Variants in HPSE2 observed in about 807,000 individuals in gnomAD.
HPSE2 encodes inactive heparanase-2.
HPSE2 carries 38 observed loss-of-function variants against 60.5 expected under a neutral mutation model. The observed-to-expected ratio is 0.63, with a 90% CI of 0.48 to 0.82. HPSE2 has a LOEUF of 0.82. HPSE2 is among the 40% of genes least tolerant of loss of function. HPSE2 has a pLI of 0.00. For synonymous variants in HPSE2, 295 were observed against 293.2 expected, an observed-to-expected ratio of 1.01 and a Z score of -0.06; for missense variants, 713 against 740.4, an observed-to-expected ratio of 0.96 and a Z score of 0.43.
intron 9 of HPSE2, among the ~76,000 whole-genome samples, chr10:98,557,159 G>C (rs1944035112): frequency 6.6e-6 from 1 of 152,016 alleles, no homozygotes; most frequent in Non-Finnish European, 1.5e-5. Flanking sequence ...CTTGCAGTGA[G>C]CCGAGATCGC....
At chr10:98,562,032 T>C (rs1465260730) in intron 9 of HPSE2, among the ~76,000 whole-genome samples, 1 of 152,180 alleles carries the variant, frequency 6.6e-6, no homozygotes, top group Non-Finnish European at 1.5e-5. Flanking sequence ...GCAAGCTCCA[T>C]TCATGGTAAC....
At position 98,717,333 on chromosome 10, in the gene HPSE2, A is replaced by G. The variant is rs895516075; in HGVS notation, c.956+4324T>C. Among the ~76,000 whole-genome samples, 3 of 152,066 alleles carry G rather than the reference A, an allele frequency of 2.0e-5. No homozygotes were observed. In the South Asian group the frequency reaches 6.2e-4, roughly 31 times the overall value. ...CTTTCTTATCATTCTTGTGTTCACT[A>G]AAGTAGCACTTTTAATTTCCTTCAA... On this transcript the variant is annotated intron_variant, in intron 5 of 11. Transcript: ENST00000370552.
chr10:98,541,877 A>C (rs1209060660), intron 9 of HPSE2, among the ~76,000 whole-genome samples: 1 of 146,800 alleles, frequency 6.8e-6, no homozygotes, highest in Non-Finnish European at 1.5e-5. Flanking sequence ...TGTAGGCTCC[A>C]TCTCTGGGGG....
At chr10:99,260,531 A>G in the HPSE2 span, among the ~76,000 whole-genome samples, 1 of 152,024 alleles carries the variant, frequency 6.6e-6, no homozygotes, top group Non-Finnish European at 1.5e-5. Context: ...TTCCTCTCTC[A>G]CTACCCTTCA....
At position 98,509,408 on chromosome 10, in the gene HPSE2, G is replaced by A. The variant is rs557213117; in HGVS notation, c.1321-19212C>T. 3.3e-5 allele frequency among the ~76,000 whole-genome samples: 5 copies of A among 152,330 alleles called. No individual in the cohort carries two copies. The East Asian group carries it at 9.6e-4, about 29-fold the overall frequency. On this transcript the variant is annotated intron_variant, in intron 9 of 11. Transcript: ENST00000370552. ...TTAAAGTGAGAAAGTTAACTTAGAA[G>A]AGAGGTTTGGGAGATATTTAAGAGA...
chr10:98,720,788 A>G (rs7913534), intron 5 of HPSE2, among the ~76,000 whole-genome samples: 5,900 of 152,286 alleles, frequency 0.039, 185 homozygotes, highest in East Asian at 0.12. Flanking sequence ...TTTTATTGCT[A>G]TTAAGAATGA....
chr10:99,054,574 A>G (rs1958065943), intron 3 of HPSE2, among the ~76,000 whole-genome samples: 1 of 152,238 alleles, frequency 6.6e-6, no homozygotes, highest in Admixed American at 6.5e-5. Flanking sequence ...ACAGATCTGT[A>G]CTAACAAAGC....
the HPSE2 span, among the ~76,000 whole-genome samples, chr10:99,286,733 T>A: frequency 1.3e-5 from 2 of 152,160 alleles, no homozygotes; most frequent in African/African-American, 2.4e-5. Context: ...ATGAAAAAAA[T>A]TAATGTGTTA....
chr10:99,002,410 C>A (rs745858759), intron 3 of HPSE2, among the ~76,000 whole-genome samples: 1 of 152,060 alleles, frequency 6.6e-6, no homozygotes, highest in Non-Finnish European at 1.5e-5. Context: ...ACTGGAGAAA[C>A]CTGACAAACA....
At chr10:99,181,508 A>C (rs1287291213) in intron 2 of HPSE2, among the ~76,000 whole-genome samples, 2 of 152,192 alleles carry the variant, frequency 1.3e-5, no homozygotes, top group East Asian at 3.9e-4. Context: ...TAGACTGGAT[A>C]AAGAAAATGT....
intron 3 of HPSE2, among the ~76,000 whole-genome samples, chr10:98,749,787 T>C (rs1321807226): frequency 1.3e-5 from 2 of 150,926 alleles, no homozygotes; most frequent in Non-Finnish European, 3.0e-5. Flanking sequence ...GGCTAAGCTA[T>C]GATGTTCAGT....
the HPSE2 span, among the ~76,000 whole-genome samples, chr10:99,306,993 A>G: frequency 6.6e-6 from 1 of 152,162 alleles, no homozygotes; most frequent in Non-Finnish European, 1.5e-5. Context: ...TACAGGTGTG[A>G]GCCACCATGC....
At chr10:98,630,611 A>C (rs654103) in intron 7 of HPSE2, among the ~76,000 whole-genome samples, 149,328 of 152,170 alleles carry the variant, frequency 0.98, 73,328 homozygotes, top group East Asian at 1. Context: ...TTTCCTCAAA[A>C]CTTCAGAAAG....
At chr10:98,683,481 T>C (rs485948) in intron 6 of HPSE2, among the ~76,000 whole-genome samples, 136,342 of 151,810 alleles carry the variant, frequency 0.9, 62,389 homozygotes, top group Non-Finnish European at 1. Context: ...AATTGATATC[T>C]TCAGAGAGAA....
intron 3 of HPSE2, among the ~76,000 whole-genome samples, chr10:98,966,238 T>C (rs923793222): frequency 2.0e-5 from 3 of 152,038 alleles, no homozygotes; most frequent in Non-Finnish European, 4.4e-5. Context: ...TTTTAAAGGA[T>C]GAGTAGAAAG....
intron 3 of HPSE2, among the ~76,000 whole-genome samples, chr10:98,840,663 C>CAG (rs1412439935): frequency 2.6e-5 from 4 of 151,848 alleles, no homozygotes; most frequent in Admixed American, 1.3e-4. Context: ...CTTAGTGGCT[C>CAG]AGAGGAGTAT....
At chr10:98,545,882 A>G (rs1349624984) in intron 9 of HPSE2, among the ~76,000 whole-genome samples, 5 of 151,556 alleles carry the variant, frequency 3.3e-5, no homozygotes, top group Non-Finnish European at 7.4e-5. Flanking sequence ...TACAGATGAC[A>G]TGATTGTATA....
chr10:98,903,103 G>A (rs1169965860), intron 3 of HPSE2, among the ~76,000 whole-genome samples: 1 of 152,068 alleles, frequency 6.6e-6, no homozygotes, highest in African/African-American at 2.4e-5. Flanking sequence ...TAAAAAGCAA[G>A]TACTTTTACA....
At chr10:98,717,757 C>A in intron 5 of HPSE2, among the ~76,000 whole-genome samples, 1 of 152,002 alleles carries the variant, frequency 6.6e-6, no homozygotes, top group South Asian at 2.1e-4. Flanking sequence ...AATGAAAAAA[C>A]GTGAAATGTT....
Sources: allele counts gnomAD v4.1 joint callset (sites outside exome capture counted in the v4.1 genomes callset), GRCh38; gene constraint gnomAD v4.1.1; transcripts MANE v1.5; gene names NCBI Gene and HGNC (gene_info 2026-07-23, HGNC 2026-07-21).